The following CNTN6 variants were observed in gnomAD, a reference collection of about 807,000 sequenced individuals.
CNTN6 encodes contactin 6, also known as contactin-6.
Under a neutral mutation model 122.8 loss-of-function variants are expected in CNTN6, and 137 were observed. The observed-to-expected ratio is 1.12, with a 90% CI of 0.97 to 1.29. The LOEUF (loss-of-function observed/expected upper bound fraction) is 1.29, where lower values mean the gene tolerates loss of function less well. CNTN6 is among the 50% of genes most tolerant of loss of function. The probability of loss-of-function intolerance (pLI) is 0.00; values close to 1 mark genes in which losing one functional copy is unlikely to be tolerated. For missense variants in CNTN6, 1,634 were observed against 1,223.4 expected (o/e 1.34, Z -5.01); for synonymous variants, 570 against 426.0 (o/e 1.34, Z -4.16).
At chr3:1,220,943 G>A in intron 3 of CNTN6, 130 bp downstream of exon 3, 1 of 940,466 alleles carries the variant, frequency 1.1e-6, no homozygotes. Context: ...CTACGGGTAT[G>A]CAGCCATGTG....
chr3:1,346,611 C>T (rs181316947), intron 11 of CNTN6, among the ~76,000 whole-genome samples: 1 of 152,260 alleles, frequency 6.6e-6, no homozygotes, highest in East Asian at 1.9e-4. Context: ...ACCTCACCAG[C>T]TGCAGCTGCC....
intron 4 of CNTN6, among the ~76,000 whole-genome samples, chr3:1,259,604 AAG>A (rs1225569592): frequency 6.7e-6 from 1 of 148,276 alleles, no homozygotes; most frequent in East Asian, 2.0e-4. Flanking sequence ...AGTCAGCATG[AAG>A]AGATGAAAAC....
In CNTN6 at chr3:1,312,463, T is replaced by A. The variant is rs375818096; in HGVS notation, c.762-9187T>A. On this transcript the variant is annotated intron_variant, in intron 7 of 22. Transcript: ENST00000446702. ...AGTAGAGAAGGATTTCAAATCTAAG[T>A]TGGAACTGGGCTCAGGAAAAATAAT... is the stretch of plus-strand genomic sequence containing the variant. Among the ~76,000 whole-genome samples the A allele has an allele frequency of 2.0e-4, 30 of 152,132 alleles. 2 individuals are homozygous for A. In the East Asian group the frequency reaches 4.6e-3, roughly 24 times the overall value.
chr3:1,197,080 G>T (rs2093788209), intron 2 of CNTN6, among the ~76,000 whole-genome samples: 1 of 152,204 alleles, frequency 6.6e-6, no homozygotes, highest in Non-Finnish European at 1.5e-5. Flanking sequence ...TGAGACAAGA[G>T]ATAATTCCCA....
chr3:1,248,099 T>C lies in CNTN6; in HGVS notation c.358+20106T>C, dbSNP rs112448279. 2.8e-4 allele frequency among the ~76,000 whole-genome samples: 43 copies of C among 152,352 alleles called. No homozygotes were observed. The Middle Eastern group carries it at 0.01, about 36-fold the overall frequency. ...TGTAACTGACTCCAGAGCTTCTGCTTACCAATTTCAGAAAACTAGGTTTCG... is the reference window on the plus strand; with the variant it reads ...TGTAACTGACTCCAGAGCTTCTGCTCACCAATTTCAGAAAACTAGGTTTCG... On this transcript the variant is annotated intron_variant, in intron 4 of 22. Transcript: ENST00000446702.
chr3:1,295,950 T>A, intron 6 of CNTN6, 146 bp downstream of exon 6: 1 of 675,376 alleles, frequency 1.5e-6, no homozygotes, highest in South Asian at 2.0e-5. Flanking sequence ...ACCAGAAATA[T>A]AACAGAAAAT....
At chr3:1,308,415 T>TC in intron 7 of CNTN6, among the ~76,000 whole-genome samples, 1 of 151,954 alleles carries the variant, frequency 6.6e-6, no homozygotes, top group Non-Finnish European at 1.5e-5. Context: ...CAGTCATGTC[T>TC]CCAAGGATAG....
rs1451680656 is a variant in CNTN6, at chr3:1,372,341, C to T, written c.1535C>T (p.Thr512Ile). ...GTCCCACCTTCCAAAATGGATGTTACAGTTGGCGAGAGTATAGTGCTACCA... is the reference window on the plus strand; with the variant it reads ...GTCCCACCTTCCAAAATGGATGTTATAGTTGGCGAGAGTATAGTGCTACCA... ...ITVPPSKMDV[T>I]VGESIVLPCQ... The change falls in exon 13 of 23, where the codon ACA becomes ATA. Residue 512 changes from threonine to isoleucine, a missense_variant. Thr to Ile is a moderately conservative substitution (Grantham distance 89). Coordinates refer to ENST00000446702, the MANE Select transcript of CNTN6 (RefSeq NM_001289080.2). 3.1e-6 allele frequency: 5 copies of T among 1,611,738 alleles called. No homozygotes were observed. Among genetic ancestry groups the T allele is most frequent in the Non-Finnish European group, 4.2e-6 (5 of 1,178,920 alleles).
chr3:1,305,401 C>G (rs7626099), intron 7 of CNTN6, among the ~76,000 whole-genome samples: 39,375 of 152,066 alleles, frequency 0.26, 9,413 homozygotes, highest in African/African-American at 0.64. Context: ...AGTTTCAGAG[C>G]TGACATGATC....
At chr3:1,271,707 T>G (rs2095030457) in intron 4 of CNTN6, among the ~76,000 whole-genome samples, 2 of 152,146 alleles carry the variant, frequency 1.3e-5, no homozygotes, top group Admixed American at 6.5e-5. Flanking sequence ...AAACTACAAA[T>G]TCTTGGGGGA....
Position 1,160,297 on chromosome 3 carries a change from G to A in CNTN6, c.55+12234G>A, listed in dbSNP as rs191018618. Among the ~76,000 whole-genome samples, 583 of 145,532 alleles carry A rather than the reference G, an allele frequency of 4.0e-3. 2 individuals carry two copies. The highest frequency in any genetic ancestry group is 0.015 in the Middle Eastern group (4 of 260). On this transcript the variant is annotated intron_variant, in intron 2 of 22. Transcript: ENST00000446702. ...CCTTTCCAATCACAGCTGAGACACA[G>A]AAGGGTAGCCATTATCTGACTTCTC...
chr3:1,175,690 C>A (rs1177881379), intron 2 of CNTN6, among the ~76,000 whole-genome samples: 9 of 152,178 alleles, frequency 5.9e-5, no homozygotes. Context: ...ATGCAAAAGA[C>A]CCCATTGGCT....
intron 5 of CNTN6, among the ~76,000 whole-genome samples, chr3:1,292,577 T>G (rs1695509065): frequency 6.6e-6 from 1 of 152,168 alleles, no homozygotes; most frequent in African/African-American, 2.4e-5. Flanking sequence ...CTTTAGTGAT[T>G]CTAATGTACA....
chr3:1,246,689 T>C (rs1395713458), intron 4 of CNTN6, among the ~76,000 whole-genome samples: 1 of 152,168 alleles, frequency 6.6e-6, no homozygotes, highest in Admixed American at 6.5e-5. Context: ...TTTGATATGA[T>C]CAGTCTTTTT....
Position 1,385,616 on chromosome 3 carries a change from A to G in CNTN6, c.2523A>G (p.Leu841=), listed in dbSNP as rs377237687. The part of the protein sequence containing the change: ...NTGRVLGYEV[L]YWTDDSKESM... Reference sequence around the variant, plus strand: ...TTTTGGTTTTTAATTATCAGGTCTTATACTGGACAGATGACTCCAAAGAAT... The same window carrying G: ...TTTTGGTTTTTAATTATCAGGTCTTGTACTGGACAGATGACTCCAAAGAAT... Residue 841 remains leucine (L), a synonymous_variant, in exon 20 of 23, where the codon TTA becomes TTG. Transcript: ENST00000446702. The G allele has an allele frequency of 3.2e-5, 52 of 1,612,464 alleles. No homozygotes were observed. Among genetic ancestry groups the G allele is most frequent in the Non-Finnish European group, 4.0e-5 (47 of 1,179,328 alleles).
intron 1 of CNTN6, among the ~76,000 whole-genome samples, chr3:1,133,844 G>A (rs138248933): frequency 1.3e-5 from 2 of 151,970 alleles, no homozygotes; most frequent in Non-Finnish European, 2.9e-5. Flanking sequence ...TTCCTTCCTC[G>A]GATCCTCTAA....
chr3:1,216,271 T>C (rs2094129127), intron 2 of CNTN6, among the ~76,000 whole-genome samples: 1 of 152,150 alleles, frequency 6.6e-6, no homozygotes, highest in Non-Finnish European at 1.5e-5. Context: ...TTAGAAGTTA[T>C]AATGAGAATT....
intron 20 of CNTN6, among the ~76,000 whole-genome samples, chr3:1,388,301 C>T (rs565824966): frequency 3.4e-5 from 5 of 147,068 alleles, no homozygotes; most frequent in Admixed American, 1.4e-4. Flanking sequence ...AGCAGGGGCA[C>T]ACTGACACCT....
chr3:1,402,713 G>A, intron 22 of CNTN6: 1 of 390,126 alleles, frequency 2.6e-6, no homozygotes. Context: ...AAGAGAACAG[G>A]AAAAAAAATC....
Sources: gnomAD v4.1 joint callset for allele counts (sites outside exome capture counted in the v4.1 genomes callset) on GRCh38, gnomAD v4.1.1 for gene constraint, MANE v1.5 for transcripts, NCBI Gene and HGNC (gene_info 2026-07-23, HGNC 2026-07-21) for gene names.